The following GTF2A2 variants were observed in gnomAD, a reference collection of about 807,000 sequenced individuals.
GTF2A2 encodes the protein transcription initiation factor IIA subunit 2.
A neutral mutation model predicts 14.3 loss-of-function variants in GTF2A2; 9 were observed. The observed-to-expected ratio is 0.63, with a 90% CI of 0.38 to 1.10. GTF2A2 has a LOEUF of 1.10. GTF2A2 is among the 50% of genes least tolerant of loss of function. The pLI, the probability that GTF2A2 is intolerant of heterozygous loss-of-function variation, is 0.01. For missense variants in GTF2A2, 90 were observed against 124.6 expected (o/e 0.72, Z 1.32); for synonymous variants, 56 against 46.0 (o/e 1.22, Z -0.88).
chr15:59,652,144 T>A, intron 2 of GTF2A2, 62 bp downstream of exon 2: 1 of 914,544 alleles, frequency 1.1e-6, no homozygotes, highest in Non-Finnish European at 1.8e-6. Context: ...CTAAGTGATA[T>A]GACAAGAATT....
At chr15:59,639,747 C>G (rs536803624) in intron 4 of GTF2A2, among the ~76,000 whole-genome samples, 4 of 150,980 alleles carry the variant, frequency 2.6e-5, no homozygotes, top group South Asian at 2.1e-4. Context: ...TGTGAGCCAC[C>G]GTGCCTGGCA....
At chr15:59,646,131 A>G (rs1891598556) in intron 3 of GTF2A2, among the ~76,000 whole-genome samples, 1 of 151,820 alleles carries the variant, frequency 6.6e-6, no homozygotes, top group Non-Finnish European at 1.5e-5. Flanking sequence ...ATCTTGGCTC[A>G]CTGCAACCTC....
At position 59,642,101 on chromosome 15, in the gene GTF2A2, C is replaced by T; in HGVS notation, c.304+35G>A. Reference sequence around the variant, plus strand: ...CTAAAGGCTCATAAAAACAAGGTTTCAAGTAGCTTTCACAGAAATAAGGCA... The same window carrying T: ...CTAAAGGCTCATAAAAACAAGGTTTTAAGTAGCTTTCACAGAAATAAGGCA... On this transcript the variant is annotated intron_variant, in intron 4 of 4. Transcript: ENST00000396060. 2.5e-6 allele frequency: 4 copies of T among 1,570,430 alleles called. No individual in the cohort carries two copies. In the South Asian group the frequency reaches 4.8e-5, roughly 19 times the overall value.
intron 3 of GTF2A2, among the ~76,000 whole-genome samples, chr15:59,642,829 C>T (rs1891475509): frequency 6.6e-6 from 1 of 152,058 alleles, no homozygotes; most frequent in South Asian, 2.1e-4. Context: ...TGCAGTGGTG[C>T]GATCTTGGCT....
At chr15:59,644,412 T>G (rs1208824932) in intron 3 of GTF2A2, 1 of 152,188 alleles carries the variant, frequency 6.6e-6, no homozygotes, top group Non-Finnish European at 1.5e-5. Context: ...AAATAGTCTA[T>G]CAAGTGAGAA....
At chr15:59,639,881 G>C (rs1891341810) in intron 4 of GTF2A2, among the ~76,000 whole-genome samples, 1 of 152,104 alleles carries the variant, frequency 6.6e-6, no homozygotes, top group Admixed American at 6.6e-5. Flanking sequence ...CTCCGCAGCA[G>C]CTGGGATTAC....
chr15:59,641,047 AT>A (rs1891403360), intron 4 of GTF2A2, among the ~76,000 whole-genome samples: 1 of 152,146 alleles, frequency 6.6e-6, no homozygotes, highest in African/African-American at 2.4e-5. Flanking sequence ...TTAAGGTGTA[AT>A]TTTATATAGC....
chr15:59,654,907 T>C (rs4774341), intron 1 of GTF2A2, among the ~76,000 whole-genome samples: 100,780 of 151,982 alleles, frequency 0.66, 33,643 homozygotes, highest in African/African-American at 0.73. Context: ...TCTGAAATGC[T>C]CCAAAGAGCA....
chr15:59,643,960 T>C (rs1434311186), intron 3 of GTF2A2, among the ~76,000 whole-genome samples: 1 of 152,170 alleles, frequency 6.6e-6, no homozygotes, highest in Non-Finnish European at 1.5e-5. Flanking sequence ...AGTGCTGTGA[T>C]CTTGACCAAC....
At chr15:59,655,325 A>G (rs1429226118) in intron 1 of GTF2A2, among the ~76,000 whole-genome samples, 1 of 152,152 alleles carries the variant, frequency 6.6e-6, no homozygotes, top group Admixed American at 6.5e-5. Context: ...CTGTCTCCCA[A>G]TTCCTTTTTT....
chr15:59,646,756 A>G (rs1184346858), intron 3 of GTF2A2, among the ~76,000 whole-genome samples: 2 of 152,180 alleles, frequency 1.3e-5, no homozygotes, highest in South Asian at 2.1e-4. Context: ...TTGACAATTA[A>G]CATCATCAAA....
chr15:59,646,843 T>C (rs1891624208), intron 3 of GTF2A2, among the ~76,000 whole-genome samples: 1 of 152,072 alleles, frequency 6.6e-6, no homozygotes, highest in Non-Finnish European at 1.5e-5. Context: ...ATAATCTTTT[T>C]AGAATAATTT....
chr15:59,639,349 G>A (rs1165986079), intron 4 of GTF2A2, among the ~76,000 whole-genome samples, 192 bp from the exon 5 acceptor site: 1 of 152,064 alleles, frequency 6.6e-6, no homozygotes, highest in African/African-American at 2.4e-5. Flanking sequence ...TTTAAGCAGA[G>A]ATACAAAGAT....
intron 3 of GTF2A2, among the ~76,000 whole-genome samples, chr15:59,649,236 G>C (rs1478672620): frequency 6.6e-6 from 1 of 152,208 alleles, no homozygotes; most frequent in Non-Finnish European, 1.5e-5. Context: ...GCGTGAGTTA[G>C]AATAGTAGCA....
At chr15:59,640,840 AAAAAGACCC>A (rs2141955419) in intron 4 of GTF2A2, among the ~76,000 whole-genome samples, 1 of 142,198 alleles carries the variant, frequency 7.0e-6, no homozygotes, top group East Asian at 2.0e-4. Flanking sequence ...CAGGAATTTA[AAAAAGACCC>A]AAATATTGTT....
At chr15:59,656,584 G>C (rs1352756768) in intron 1 of GTF2A2, among the ~76,000 whole-genome samples, 1 of 151,204 alleles carries the variant, frequency 6.6e-6, no homozygotes, top group East Asian at 1.9e-4. Flanking sequence ...CACAATAGGA[G>C]CCAAAAAAAA....
At chr15:59,655,251 G>A (rs573155334) in intron 1 of GTF2A2, among the ~76,000 whole-genome samples, 35 of 152,130 alleles carry the variant, frequency 2.3e-4, no homozygotes, top group Admixed American at 4.6e-4. Context: ...CAAATCCCCT[G>A]CCAGCTACAT....
intron 1 of GTF2A2, among the ~76,000 whole-genome samples, chr15:59,655,560 G>C (rs1286400053): frequency 6.6e-6 from 1 of 152,182 alleles, no homozygotes; most frequent in African/African-American, 2.4e-5. Flanking sequence ...ACTGTTTGCT[G>C]GTTGATCCCG....
At chr15:59,640,186 T>A (rs553733436) in intron 4 of GTF2A2, 2 of 89,018 alleles carry the variant, frequency 2.2e-5, no homozygotes, top group Middle Eastern at 5.3e-3. Context: ...TGAGGGAAAA[T>A]CCTCAAAAAC....
Sources: allele counts gnomAD v4.1 joint callset (sites outside exome capture counted in the v4.1 genomes callset), GRCh38; gene constraint gnomAD v4.1.1; transcripts MANE v1.5; gene names NCBI Gene and HGNC (gene_info 2026-07-23, HGNC 2026-07-21).